Variants in SPINK14 observed in about 807,000 individuals in gnomAD.
SPINK14 encodes the protein serine peptidase inhibitor Kazal type 14 (putative), also known as serine protease inhibitor Kazal-type 14.
Under a neutral mutation model 14.2 loss-of-function variants are expected in SPINK14, and 6 were observed. That is an observed-to-expected ratio of 0.42 (90% confidence interval 0.23 to 0.83). SPINK14 has a LOEUF of 0.83. Among genes scored for constraint, SPINK14 ranks in the 40% least tolerant of loss-of-function variants. SPINK14 has a pLI of 0.28. For missense variants in SPINK14, 86 were observed against 108.3 expected (o/e 0.79, Z 0.91); for synonymous variants, 34 against 36.8 (o/e 0.92, Z 0.27).
At position 148,169,667 on chromosome 5, in the gene SPINK14, T is replaced by C; in HGVS notation, c.-66T>C. 2 of 1,315,912 alleles carry C rather than the reference T, an allele frequency of 1.5e-6. No homozygotes were observed. The highest frequency in any genetic ancestry group is 1.2e-5 in the South Asian group (1 of 81,698). 81.5% of individuals were successfully genotyped at this position (1,315,912 alleles called of 1,614,324 possible). A position where few individuals can be genotyped will look rare whatever the true frequency, so the allele number is the denominator to read the frequency against. On this transcript the variant is annotated 5_prime_UTR_variant, in exon 2 of 5. Transcript: ENST00000356972. The stretch of plus-strand genomic sequence containing the variant: ...CTGATTGTCTCTACTTTAGTGATTG[T>C]ATTAGAGGGCAACAACCTGAGACAA...
At chr5:148,170,186 A>T (rs144029899) in intron 2 of SPINK14, among the ~76,000 whole-genome samples, 3,084 of 146,970 alleles carry the variant, frequency 0.021, 119 homozygotes, top group African/African-American at 0.076. Context: ...ACACACACAC[A>T]CACACACACA....
At chr5:148,169,868 A>C in intron 2 of SPINK14, 69 bp downstream of exon 2, 1 of 1,293,904 alleles carries the variant, frequency 7.7e-7, no homozygotes, top group Non-Finnish European at 1.1e-6. Flanking sequence ...ATAATCTGAG[A>C]GAGAATGCTT....
intron 2 of SPINK14, among the ~76,000 whole-genome samples, chr5:148,170,320 T>C (rs1014512309): frequency 3.3e-5 from 5 of 151,916 alleles, no homozygotes; most frequent in Admixed American, 6.6e-5. Flanking sequence ...GAGGCTTGGG[T>C]GACTCACTGA....
rs763618693 is a variant in SPINK14 at position 148,169,838 on chromosome 5, G to T, written c.67+39G>T. 7.1e-6 allele frequency: 11 copies of T among 1,550,038 alleles called. No homozygotes were observed. In the Admixed American group the frequency reaches 1.9e-4, roughly 27 times the overall value. On this transcript the variant is annotated intron_variant, in intron 2 of 4. Coordinates refer to ENST00000356972, the MANE Select transcript of SPINK14 (RefSeq NM_001001325.2). ...CTGGTCTTGGCCAGCAGTTGAAATT[G>T]ATTTGTGGGCTTTTACATCATAATC... is the stretch of plus-strand genomic sequence containing the variant.
intron 3 of SPINK14, among the ~76,000 whole-genome samples, chr5:148,171,590 C>G (rs1755106279): frequency 6.6e-6 from 1 of 152,148 alleles, no homozygotes; most frequent in South Asian, 2.1e-4. Context: ...AGGGATTAAA[C>G]TTTTCATTTT....
intron 1 of SPINK14, among the ~76,000 whole-genome samples, chr5:148,168,897 C>G (rs1755065064): frequency 6.6e-6 from 1 of 152,132 alleles, no homozygotes; most frequent in Non-Finnish European, 1.5e-5. Flanking sequence ...ACATGTGTTG[C>G]AGACAGAGAT....
intron 1 of SPINK14, 32 bp from the exon 2 acceptor site, chr5:148,169,629 G>C: frequency 1.1e-6 from 1 of 874,368 alleles, no homozygotes. Flanking sequence ...CATTGTAAAA[G>C]TCATCTTAAA....
Position 148,169,721 on chromosome 5 carries a change from C to T in SPINK14, c.-12C>T, listed in dbSNP as rs760238231. ...TTCAGAGCATCATTCCAAGGACACACCAGGAGGAAAAATGGCCAAATCTTT... is the reference window on the plus strand; with the variant it reads ...TTCAGAGCATCATTCCAAGGACACATCAGGAGGAAAAATGGCCAAATCTTT... On this transcript the variant is annotated 5_prime_UTR_variant, in exon 2 of 5. Coordinates refer to ENST00000356972, the MANE Select transcript of SPINK14 (RefSeq NM_001001325.2). The T allele has an allele frequency of 2.5e-6, 4 of 1,606,230 alleles. No homozygotes were observed. The highest frequency in any genetic ancestry group is 2.2e-5 in the South Asian group (2 of 90,506).
At chr5:148,174,769 A>G (rs1755146491) in intron 4 of SPINK14, among the ~76,000 whole-genome samples, 2 of 152,108 alleles carry the variant, frequency 1.3e-5, no homozygotes, top group South Asian at 4.1e-4. Flanking sequence ...TGATGATGTA[A>G]TTGCAAAGTT....
intron 3 of SPINK14, among the ~76,000 whole-genome samples, chr5:148,173,252 T>C (rs1755130438): frequency 6.6e-6 from 1 of 152,116 alleles, no homozygotes. Context: ...ATGACACTTA[T>C]GGAGTCCCTG....
At chr5:148,172,790 G>A (rs568309700) in intron 3 of SPINK14, among the ~76,000 whole-genome samples, 8 of 97,000 alleles carry the variant, frequency 8.2e-5, no homozygotes, top group East Asian at 7.1e-4. Flanking sequence ...ATTTGGTGGG[G>A]TGGTTATGAC....
At chr5:148,169,994 G>A (rs1383138145) in intron 2 of SPINK14, among the ~76,000 whole-genome samples, 195 bp downstream of exon 2, 1 of 146,628 alleles carries the variant, frequency 6.8e-6, no homozygotes, top group African/African-American at 2.5e-5. Context: ...TATACTCAGA[G>A]TATATGACAA....
chr5:148,174,745 ACT>A (rs981820951), intron 4 of SPINK14, among the ~76,000 whole-genome samples: 2 of 151,932 alleles, frequency 1.3e-5, no homozygotes, highest in African/African-American at 2.4e-5. Flanking sequence ...TGTGTTTGAA[ACT>A]CTGAACTACA....
Position 148,169,728 on chromosome 5 carries a change from G to GA in SPINK14, c.1dup. The GA allele has an allele frequency of 6.2e-7, 1 of 1,606,762 alleles. No homozygotes were observed. The highest frequency in any genetic ancestry group is 1.1e-5 in the South Asian group (1 of 90,394). On this transcript the variant is annotated 5_prime_UTR_variant, in exon 2 of 5. Coordinates refer to ENST00000356972, the MANE Select transcript of SPINK14 (RefSeq NM_001001325.2). ...CATCATTCCAAGGACACACCAGGAG[G>GA]AAAAATGGCCAAATCTTTCCCAGTA...
intron 2 of SPINK14, 119 bp downstream of exon 2, chr5:148,169,918 G>GTA (rs1001670897): frequency 2.0e-4 from 99 of 489,992 alleles, no homozygotes; most frequent in African/African-American, 6.1e-4. Flanking sequence ...ATATATATGT[G>GTA]TATATATATA....
chr5:148,170,756 T>A (rs1275572563), intron 2 of SPINK14, among the ~76,000 whole-genome samples, 174 bp from the exon 3 acceptor site: 2 of 152,050 alleles, frequency 1.3e-5, no homozygotes, highest in Non-Finnish European at 2.9e-5. Flanking sequence ...CAATTAGGAG[T>A]AAAAGATTTA....
chr5:148,174,373 G>A lies in SPINK14; in HGVS notation c.248+3G>A. 1.8e-6 allele frequency: 2 copies of A among 1,110,474 alleles called. No homozygotes were observed. The highest frequency in any genetic ancestry group is 2.5e-6 in the Non-Finnish European group (2 of 808,568). 68.8% of individuals were successfully genotyped at this position (1,110,474 alleles called of 1,614,324 possible). A position where few individuals can be genotyped will look rare whatever the true frequency, so the allele number is the denominator to read the frequency against. On this transcript the variant is annotated splice_donor_region_variant and intron_variant, in intron 4 of 4. Transcript: ENST00000356972. Reference sequence around the variant, plus strand: ...TGCATTCTGTGTGTTGAGAGCTTGTGAGTACTATTTGGGGAAAAGAGGGGA... The same window carrying A: ...TGCATTCTGTGTGTTGAGAGCTTGTAAGTACTATTTGGGGAAAAGAGGGGA...
At position 148,169,190 on chromosome 5, in the gene SPINK14, T is replaced by C. The variant is rs776528684; in HGVS notation, c.-72-471T>C. Among the ~76,000 whole-genome samples, 149 of 152,246 alleles carry C rather than the reference T, an allele frequency of 9.8e-4. 1 individual carries two copies. Among genetic ancestry groups the C allele is most frequent in the Admixed American group, 5.2e-3 (79 of 15,272 alleles). On this transcript the variant is annotated intron_variant, in intron 1 of 4. Transcript: ENST00000356972. ...GAGTCTGGGATTCAACATCAGAAGA[T>C]CCTTGGTATAGACAAGCATGCCTGA...
rs767089108 is a variant in SPINK14 at position 148,169,715 on chromosome 5, G to T, written c.-18G>T. On this transcript the variant is annotated 5_prime_UTR_variant, in exon 2 of 5. Transcript: ENST00000356972. Reference sequence around the variant, plus strand: ...CAATATTTCAGAGCATCATTCCAAGGACACACCAGGAGGAAAAATGGCCAA... The same window carrying T: ...CAATATTTCAGAGCATCATTCCAAGTACACACCAGGAGGAAAAATGGCCAA... 1 of 1,601,586 alleles carries T rather than the reference G, an allele frequency of 6.2e-7. No homozygotes were observed. The highest frequency in any genetic ancestry group is 1.3e-5 in the African/African-American group (1 of 74,436).
Sources: allele counts gnomAD v4.1 joint callset (sites outside exome capture counted in the v4.1 genomes callset), GRCh38; gene constraint gnomAD v4.1.1; transcripts MANE v1.5; gene names NCBI Gene and HGNC (gene_info 2026-07-23, HGNC 2026-07-21).